Variants in UST observed in about 807,000 individuals in gnomAD.
The protein encoded by UST is chondroitin sulfate 2-O-sulfotransferase.
A neutral mutation model predicts 45.6 loss-of-function variants in UST; 21 were observed. The observed-to-expected ratio is 0.46, with a 90% confidence interval of 0.33 to 0.66. The LOEUF (loss-of-function observed/expected upper bound fraction) is 0.66, where lower values mean the gene tolerates loss of function less well. Among genes scored for constraint, UST ranks in the 30% least tolerant of loss-of-function variants. The probability of loss-of-function intolerance (pLI) is 0.02; values close to 1 mark genes in which losing one functional copy is unlikely to be tolerated. For missense variants in UST, 463 were observed against 512.4 expected (o/e 0.90, Z 0.93); for synonymous variants, 215 against 200.6 (o/e 1.07, Z -0.61).
chr6:148,912,763 T>C lies in UST; in HGVS notation c.291+25734T>C, dbSNP rs781202068. Among the ~76,000 whole-genome samples the C allele has an allele frequency of 3.1e-4, 47 of 152,334 alleles. 2 individuals carry two copies. Among genetic ancestry groups the C allele is most frequent in the Middle Eastern group, 3.4e-3 (1 of 294 alleles). ...CTCTGATGAGCACAGCAGATAGCAC[T>C]TTTAACAAACTCTCTTTGGAGAATA... On this transcript the variant is annotated intron_variant, in intron 2 of 7. Coordinates refer to ENST00000367463, the MANE Select transcript of UST (RefSeq NM_005715.3).
chr6:148,823,201 A>G (rs1462987072), intron 1 of UST, among the ~76,000 whole-genome samples: 2 of 152,270 alleles, frequency 1.3e-5, no homozygotes, highest in African/African-American at 2.4e-5. Flanking sequence ...GCATAACTAC[A>G]TGCTTTTTCA....
chr6:148,802,360 G>A (rs1481776705), intron 1 of UST, among the ~76,000 whole-genome samples: 4 of 152,178 alleles, frequency 2.6e-5, no homozygotes, highest in Non-Finnish European at 5.9e-5. Flanking sequence ...TAAACCATCT[G>A]CCATATTTTT....
intron 2 of UST, among the ~76,000 whole-genome samples, chr6:148,899,316 G>C (rs1369420142): frequency 6.6e-6 from 1 of 151,990 alleles, no homozygotes; most frequent in Non-Finnish European, 1.5e-5. Context: ...AGCCAGAATG[G>C]TCTCGATCTC....
chr6:148,998,388 G>T (rs932568575), intron 5 of UST, among the ~76,000 whole-genome samples: 1 of 152,154 alleles, frequency 6.6e-6, no homozygotes, highest in African/African-American at 2.4e-5. Flanking sequence ...TGATTCTTTT[G>T]TCTCCACCTC....
chr6:148,905,394 C>T (rs1439743543), intron 2 of UST, among the ~76,000 whole-genome samples: 1 of 152,184 alleles, frequency 6.6e-6, no homozygotes, highest in South Asian at 2.1e-4. Flanking sequence ...GGCTCACACC[C>T]TCATCTTGAC....
chr6:148,902,621 C>T (rs1011229693), intron 2 of UST, among the ~76,000 whole-genome samples: 5 of 152,062 alleles, frequency 3.3e-5, no homozygotes, highest in Non-Finnish European at 7.4e-5. Flanking sequence ...TTCAGTCATC[C>T]TCCTGCCTCA....
chr6:148,759,714 G>T (rs920521668), intron 1 of UST, among the ~76,000 whole-genome samples: 4 of 148,884 alleles, frequency 2.7e-5, no homozygotes, highest in Non-Finnish European at 4.5e-5. Flanking sequence ...CGGGCATGGT[G>T]GTGGGCGCTT....
At chr6:149,047,128 T>G (rs1282158274) in intron 7 of UST, among the ~76,000 whole-genome samples, 1 of 152,220 alleles carries the variant, frequency 6.6e-6, no homozygotes, top group Admixed American at 6.5e-5. Context: ...CCACTTGCTC[T>G]TCTAGTTTAT....
chr6:148,884,552 T>A (rs2114840718), intron 1 of UST, among the ~76,000 whole-genome samples: 1 of 152,282 alleles, frequency 6.6e-6, no homozygotes, highest in South Asian at 2.1e-4. Context: ...TGGAGTGCTC[T>A]GAACCACAGA....
intron 1 of UST, among the ~76,000 whole-genome samples, chr6:148,804,512 TA>T (rs1284110313): frequency 1.3e-5 from 2 of 152,168 alleles, no homozygotes; most frequent in Non-Finnish European, 2.9e-5. Context: ...GCTTAATTAA[TA>T]AGTGTCCCAT....
At chr6:148,811,358 C>G (rs1421554895) in intron 1 of UST, among the ~76,000 whole-genome samples, 1 of 152,132 alleles carries the variant, frequency 6.6e-6, no homozygotes, top group African/African-American at 2.4e-5. Flanking sequence ...ACCAGCACAC[C>G]GTTTCTTCTC....
At chr6:149,056,631 G>C (rs1001852763) in intron 7 of UST, among the ~76,000 whole-genome samples, 3 of 152,214 alleles carry the variant, frequency 2.0e-5, no homozygotes, top group Admixed American at 6.5e-5. Flanking sequence ...CTTATTTAGT[G>C]TGCAGTTGCA....
intron 3 of UST, among the ~76,000 whole-genome samples, chr6:148,943,687 A>T (rs1780176348): frequency 6.6e-6 from 1 of 152,152 alleles, no homozygotes; most frequent in Non-Finnish European, 1.5e-5. Flanking sequence ...TGATTCTGTG[A>T]TATATTTGTA....
At chr6:148,851,657 T>C (rs141320956) in intron 1 of UST, among the ~76,000 whole-genome samples, 20 of 152,330 alleles carry the variant, frequency 1.3e-4, no homozygotes, top group African/African-American at 4.6e-4. Context: ...AAATCACCAT[T>C]TTAGCCCATA....
intron 2 of UST, 76 bp downstream of exon 2, chr6:148,887,105 T>C (rs942576248): frequency 9.1e-6 from 10 of 1,102,002 alleles, no homozygotes; most frequent in African/African-American, 4.7e-5. Flanking sequence ...AGAACAGATC[T>C]CTCCTGGACA....
intron 5 of UST, among the ~76,000 whole-genome samples, chr6:148,996,524 A>G (rs1781455431): frequency 6.6e-6 from 1 of 152,140 alleles, no homozygotes; most frequent in Non-Finnish European, 1.5e-5. Context: ...TGCCCTGTTT[A>G]ATCAGTTTTT....
intron 5 of UST, among the ~76,000 whole-genome samples, chr6:148,992,295 G>C (rs2114993461): frequency 6.6e-6 from 1 of 152,280 alleles, no homozygotes; most frequent in African/African-American, 2.4e-5. Context: ...ACGAGGTCAG[G>C]AGATCGAGAC....
intron 5 of UST, among the ~76,000 whole-genome samples, chr6:148,972,058 C>T (rs147377041): frequency 6.6e-6 from 1 of 152,278 alleles, no homozygotes; most frequent in African/African-American, 2.4e-5. Flanking sequence ...ACATTGAAGA[C>T]TCATTGCTGT....
chr6:148,802,031 A>G (rs1375777993), intron 1 of UST, among the ~76,000 whole-genome samples: 1 of 152,228 alleles, frequency 6.6e-6, no homozygotes, highest in Non-Finnish European at 1.5e-5. Context: ...GACCCTTAAT[A>G]TACTGAAAAG....
Sources: allele counts gnomAD v4.1 joint callset (sites outside exome capture counted in the v4.1 genomes callset), GRCh38; gene constraint gnomAD v4.1.1; transcripts MANE v1.5; gene names NCBI Gene and HGNC (gene_info 2026-07-23, HGNC 2026-07-21).